MYRIP: variants seen among roughly 807,000 people sequenced by gnomAD.
MYRIP encodes rab effector MyRIP.
MYRIP carries 49 observed loss-of-function variants against 98.0 expected under a neutral mutation model. The observed-to-expected ratio is 0.50, with a 90% CI of 0.40 to 0.63. MYRIP has a LOEUF of 0.63. Ranked by LOEUF, MYRIP falls within the 30% of genes least tolerant of loss-of-function variation. The pLI, the probability that MYRIP is intolerant of heterozygous loss-of-function variation, is 0.00. For synonymous variants in MYRIP, 404 were observed against 409.5 expected (o/e 0.99, Z 0.16); for missense variants, 1,004 against 1,058.2 (o/e 0.95, Z 0.71).
intron 2 of MYRIP, among the ~76,000 whole-genome samples, chr3:39,988,237 C>A (rs1946083885): frequency 6.6e-6 from 1 of 151,906 alleles, no homozygotes; most frequent in Non-Finnish European, 1.5e-5. Flanking sequence ...GTGCAGCACA[C>A]CAGCATGGCA....
intron 3 of MYRIP, among the ~76,000 whole-genome samples, chr3:40,056,661 C>A (rs182730609): frequency 2.2e-3 from 338 of 152,190 alleles, no homozygotes; most frequent in African/African-American, 7.7e-3. Flanking sequence ...TATTATTTCT[C>A]CATTATATTT....
intron 11 of MYRIP, among the ~76,000 whole-genome samples, chr3:40,211,166 T>A (rs1248778296): frequency 6.6e-6 from 1 of 152,214 alleles, no homozygotes; most frequent in Non-Finnish European, 1.5e-5. Context: ...CTGCTTGGCC[T>A]TAAATCACAG....
chr3:40,220,607 ACT>A (rs1952308068), intron 11 of MYRIP, among the ~76,000 whole-genome samples: 1 of 152,132 alleles, frequency 6.6e-6, no homozygotes, highest in South Asian at 2.1e-4. Context: ...GATCTTTATA[ACT>A]CTGTATTAGT....
At chr3:40,167,354 CCTTCTCACTT>C in intron 7 of MYRIP, 115 bp downstream of exon 7, 5 of 953,488 alleles carry the variant, frequency 5.2e-6, no homozygotes, top group South Asian at 1.5e-5. Context: ...ATCTTCTGTG[CCTTCTCACTT>C]TAGACTTTTG....
At chr3:40,177,755 C>G (rs1043138466) in intron 8 of MYRIP, among the ~76,000 whole-genome samples, 2 of 152,102 alleles carry the variant, frequency 1.3e-5, no homozygotes, top group African/African-American at 4.8e-5. Context: ...AAAAAGGCCT[C>G]TCTAATAATA....
At chr3:40,216,688 G>A (rs547098847) in intron 11 of MYRIP, among the ~76,000 whole-genome samples, 2 of 152,232 alleles carry the variant, frequency 1.3e-5, no homozygotes, top group Non-Finnish European at 2.9e-5. Flanking sequence ...ATGTCTTTTG[G>A]AAACATTCAA....
At chr3:39,812,247 GGTTA>G (rs1444428721) in intron 1 of MYRIP, among the ~76,000 whole-genome samples, 10 of 151,984 alleles carry the variant, frequency 6.6e-5, no homozygotes, top group Non-Finnish European at 2.9e-5. Context: ...AGTTTTATCA[GGTTA>G]GTTTTATTTT....
At chr3:40,206,009 A>G (rs1335042802) in intron 10 of MYRIP, among the ~76,000 whole-genome samples, 1 of 152,178 alleles carries the variant, frequency 6.6e-6, no homozygotes, top group South Asian at 2.1e-4. Context: ...AGCCGTTTGG[A>G]GGCATGGACC....
At chr3:39,835,827 A>T (rs1035825454) in intron 1 of MYRIP, among the ~76,000 whole-genome samples, 3 of 152,046 alleles carry the variant, frequency 2.0e-5, no homozygotes, top group African/African-American at 7.2e-5. Context: ...CCCACTTATG[A>T]GTGAGAACAT....
intron 3 of MYRIP, among the ~76,000 whole-genome samples, chr3:40,076,924 G>T (rs552139633): frequency 6.6e-6 from 1 of 152,210 alleles, no homozygotes; most frequent in African/African-American, 2.4e-5. Flanking sequence ...GTTAGAAAAA[G>T]GAAACATAGT....
Position 39,945,506 on chromosome 3 carries a change from A to G in MYRIP, c.110+44580A>G, listed in dbSNP as rs184477513. Among the ~76,000 whole-genome samples the G allele has an allele frequency of 3.6e-4, 54 of 151,146 alleles. 1 individual carries two copies. Among genetic ancestry groups the G allele is most frequent in the Non-Finnish European group, 2.2e-4 (15 of 67,750 alleles). ...AAAAAAAAAAAGAAAAAAGAAAAAA[A>G]AAGAATGTATCTTTGACACAAGAGA... On this transcript the variant is annotated intron_variant, in intron 2 of 16. Transcript: ENST00000302541.
chr3:40,128,920 G>C (rs1204941502), intron 3 of MYRIP, among the ~76,000 whole-genome samples: 1 of 152,158 alleles, frequency 6.6e-6, no homozygotes, highest in Non-Finnish European at 1.5e-5. Context: ...CCTTGTATGT[G>C]TAATGATTTG....
Position 40,026,072 on chromosome 3 carries a change from C to T in MYRIP, c.111-17978C>T, listed in dbSNP as rs374416682. Among the ~76,000 whole-genome samples the T allele has an allele frequency of 1.3e-3, 205 of 152,174 alleles. 2 individuals carry two copies. In the South Asian group the frequency reaches 0.041, roughly 30 times the overall value. On this transcript the variant is annotated intron_variant, in intron 2 of 16. Coordinates refer to ENST00000302541, the MANE Select transcript of MYRIP (RefSeq NM_015460.4). The stretch of plus-strand genomic sequence containing the variant: ...GTAAACCTGACGGTAATGCAGGAGA[C>T]CAGAGCGTATTTCAGTCCTTATCTC...
chr3:40,153,544 T>C (rs1385554529), intron 4 of MYRIP, among the ~76,000 whole-genome samples: 2 of 152,202 alleles, frequency 1.3e-5, no homozygotes, highest in East Asian at 1.9e-4. Flanking sequence ...CCACCCCCCA[T>C]TAATTACTGC....
intron 3 of MYRIP, among the ~76,000 whole-genome samples, chr3:40,084,374 A>C (rs1189734556): frequency 2.7e-5 from 4 of 147,842 alleles, no homozygotes; most frequent in African/African-American, 1.0e-4. Context: ...ATACACATCT[A>C]TGTATTATAT....
At chr3:40,008,374 G>A (rs926597605) in intron 2 of MYRIP, among the ~76,000 whole-genome samples, 6 of 152,168 alleles carry the variant, frequency 3.9e-5, no homozygotes, top group Non-Finnish European at 5.9e-5. Context: ...CAGGAAAGAC[G>A]TTTAACATAT....
intron 12 of MYRIP, 111 bp downstream of exon 12, chr3:40,234,164 C>T (rs2371136): frequency 0.058 from 60,579 of 1,035,746 alleles, 2,418 homozygotes; most frequent in African/African-American, 0.18. Context: ...ACACACACAC[C>T]ACTACCACTA....
At chr3:39,899,958 C>T (rs1015417915) in intron 1 of MYRIP, among the ~76,000 whole-genome samples, 1 of 152,112 alleles carries the variant, frequency 6.6e-6, no homozygotes, top group African/African-American at 2.4e-5. Context: ...GTAGCTGGGA[C>T]TACAGGCGAC....
At chr3:40,085,520 G>A (rs1311725911) in intron 3 of MYRIP, among the ~76,000 whole-genome samples, 1 of 152,080 alleles carries the variant, frequency 6.6e-6, no homozygotes, top group Non-Finnish European at 1.5e-5. Context: ...CCTGACTCAG[G>A]TGATCTGCCT....
Sources: allele counts gnomAD v4.1 joint callset (sites outside exome capture counted in the v4.1 genomes callset), GRCh38; gene constraint gnomAD v4.1.1; transcripts MANE v1.5; gene names NCBI Gene and HGNC (gene_info 2026-07-23, HGNC 2026-07-21).